Variants in TMEM135 observed in about 807,000 individuals in gnomAD.
TMEM135 encodes the protein peroxisomal membrane protein 52.
Under a neutral mutation model 60.3 loss-of-function variants are expected in TMEM135, and 30 were observed. That is an observed-to-expected ratio of 0.50 (90% CI 0.37 to 0.68). The LOEUF is 0.68. TMEM135 is among the 30% of genes least tolerant of loss of function. The pLI is 0.00. For missense variants in TMEM135, 468 were observed against 548.8 expected, an observed-to-expected ratio of 0.85 and a Z score of 1.47; for synonymous variants, 190 against 186.7, an observed-to-expected ratio of 1.02 and a Z score of -0.14.
chr11:87,047,720 C>A (rs1327956018), intron 1 of TMEM135, among the ~76,000 whole-genome samples: 1 of 122,364 alleles, frequency 8.2e-6, no homozygotes, highest in African/African-American at 3.3e-5. Context: ...AACTGCAAGG[C>A]GGCAACGAGG....
At chr11:87,241,800 A>G (rs975558445) in intron 6 of TMEM135, among the ~76,000 whole-genome samples, 2 of 151,878 alleles carry the variant, frequency 1.3e-5, no homozygotes, top group African/African-American at 4.8e-5. Context: ...TATTTTACTT[A>G]AAGTCCTTGA....
At chr11:87,042,329 C>G (rs1483327445) in intron 1 of TMEM135, among the ~76,000 whole-genome samples, 1 of 152,134 alleles carries the variant, frequency 6.6e-6, no homozygotes, top group Non-Finnish European at 1.5e-5. Context: ...GCAGGACCCT[C>G]TCTGGAATGG....
chr11:87,089,455 A>C (rs1232155990), intron 3 of TMEM135, among the ~76,000 whole-genome samples: 2 of 152,152 alleles, frequency 1.3e-5, no homozygotes, highest in African/African-American at 2.4e-5. Context: ...AGGCAGTAAG[A>C]TCACTTGAGC....
chr11:87,183,135 ATTTTTTT>A (rs772123636), intron 5 of TMEM135, among the ~76,000 whole-genome samples: 11 of 92,614 alleles, frequency 1.2e-4, no homozygotes, highest in African/African-American at 2.6e-4. Flanking sequence ...GTAATCACTA[ATTTTTTT>A]TTTTTTTTTT....
In TMEM135 at chr11:87,325,436, G is replaced by A. The variant is rs1047005834; in HGVS notation, c.*4103G>A. The A allele has an allele frequency of 8.8e-6, 4 of 453,864 alleles. No individual in the cohort carries two copies. The highest frequency in any genetic ancestry group is 6.0e-5 in the African/African-American group (3 of 49,960). The allele number at this position is 453,864 out of a possible 1,614,324, so 28.1% of individuals were successfully genotyped here. On this transcript the variant is annotated 3_prime_UTR_variant, in exon 15 of 15. Coordinates refer to ENST00000305494, the MANE Select transcript of TMEM135 (RefSeq NM_022918.4). ...GAAAATGATTGACTTTTGGTTGGAG[G>A]AAAGAATTTATATCTGGTCTTTTGG...
At chr11:87,140,873 G>T (rs1186472309) in intron 4 of TMEM135, among the ~76,000 whole-genome samples, 1 of 152,120 alleles carries the variant, frequency 6.6e-6, no homozygotes, top group Non-Finnish European at 1.5e-5. Context: ...ACCTCTGTTA[G>T]TTGAAGAACC....
intron 4 of TMEM135, among the ~76,000 whole-genome samples, chr11:87,136,077 C>A (rs983220242): frequency 1.3e-5 from 2 of 151,894 alleles, no homozygotes; most frequent in African/African-American, 2.4e-5. Flanking sequence ...TTATATCCTG[C>A]AACTTTGCTA....
chr11:87,317,396 A>C (rs1942751820), intron 12 of TMEM135, among the ~76,000 whole-genome samples: 2 of 152,122 alleles, frequency 1.3e-5, no homozygotes, highest in Admixed American at 1.3e-4. Flanking sequence ...CTTGTTTCCA[A>C]AATAGATTAT....
intron 5 of TMEM135, among the ~76,000 whole-genome samples, chr11:87,185,831 G>A (rs1224376281): frequency 2.0e-5 from 3 of 151,616 alleles, no homozygotes; most frequent in African/African-American, 4.9e-5. Flanking sequence ...CAAAAGATGA[G>A]TAATGATGTT....
Position 87,325,391 on chromosome 11 carries a change from G to A in TMEM135, c.*4058G>A. ...TTACAGCTGTGGTGAATAAGAATGT[G>A]TGCTATTTTACACACAGAAGAAAAT... On this transcript the variant is annotated 3_prime_UTR_variant, in exon 15 of 15. Coordinates refer to ENST00000305494, the MANE Select transcript of TMEM135 (RefSeq NM_022918.4). The A allele has an allele frequency of 2.2e-6, 1 of 454,074 alleles. No homozygotes were observed. Among genetic ancestry groups the A allele is most frequent in the Non-Finnish European group, 4.4e-6 (1 of 226,772 alleles). The allele number at this position is 454,074 out of a possible 1,614,324, so 28.1% of individuals were successfully genotyped here. A position where few individuals can be genotyped will look rare whatever the true frequency, so the allele number is the denominator to read the frequency against.
chr11:87,304,413 G>T (rs535352498), intron 8 of TMEM135, among the ~76,000 whole-genome samples: 1 of 150,104 alleles, frequency 6.7e-6, no homozygotes. Context: ...ACAAATTTCA[G>T]TGTAGTTCTG....
intron 6 of TMEM135, among the ~76,000 whole-genome samples, chr11:87,272,051 C>CTTTTTT (rs773654603): frequency 4.9e-5 from 4 of 81,120 alleles, no homozygotes; most frequent in Admixed American, 1.3e-4. Context: ...TTTTTCTTTT[C>CTTTTTT]TTTTTTTTTT....
chr11:87,241,652 A>T (rs954565467), intron 6 of TMEM135, among the ~76,000 whole-genome samples: 1 of 151,856 alleles, frequency 6.6e-6, no homozygotes, highest in South Asian at 2.1e-4. Flanking sequence ...ACTACCCTCC[A>T]CCCTGCCCCA....
In TMEM135 at chr11:87,067,351, T is replaced by C. The variant is rs531410039; in HGVS notation, c.142-343T>C. On this transcript the variant is annotated intron_variant, in intron 1 of 14. Coordinates refer to ENST00000305494, the MANE Select transcript of TMEM135 (RefSeq NM_022918.4). ...TAAAATCTGTAATATAGTTTTATTATACCATCCAGTTTTTATTTGAAATGG... is the reference window on the plus strand; with the variant it reads ...TAAAATCTGTAATATAGTTTTATTACACCATCCAGTTTTTATTTGAAATGG... Among the ~76,000 whole-genome samples the C allele has an allele frequency of 5.9e-5, 9 of 151,890 alleles. No individual in the cohort carries two copies. The East Asian group carries it at 1.4e-3, about 23-fold the overall frequency.
intron 1 of TMEM135, among the ~76,000 whole-genome samples, chr11:87,056,848 G>A (rs1254898674): frequency 6.6e-6 from 1 of 152,156 alleles, no homozygotes; most frequent in African/African-American, 2.4e-5. Flanking sequence ...GAACAAATAT[G>A]TATACTTTCT....
chr11:87,235,295 A>C (rs1267909453), intron 5 of TMEM135, among the ~76,000 whole-genome samples: 1 of 151,644 alleles, frequency 6.6e-6, no homozygotes, highest in Non-Finnish European at 1.5e-5. Flanking sequence ...GGAAGGAGGG[A>C]AAGAGGGAGG....
intron 4 of TMEM135, among the ~76,000 whole-genome samples, chr11:87,116,833 T>C (rs987192860): frequency 1.3e-5 from 2 of 152,142 alleles, no homozygotes. Flanking sequence ...TGGTTTGTTT[T>C]TTTTTTTGAC....
chr11:87,166,477 T>C (rs1157829263), intron 5 of TMEM135, among the ~76,000 whole-genome samples: 1 of 151,766 alleles, frequency 6.6e-6, no homozygotes, highest in Non-Finnish European at 1.5e-5. Flanking sequence ...GAGTTAATTT[T>C]TGTTTAATGT....
chr11:87,191,982 C>CTTTTTTTTT lies in TMEM135; in HGVS notation c.462+34580_462+34581insTTTTTTTTT, dbSNP rs767550753. ...CTATTTCTTTTGTTTCTTTTCTTTT[C>CTTTTTTTTT]TTTTCTTTTTTTTTTTTTTTTTTCG... On this transcript the variant is annotated intron_variant, in intron 5 of 14. Coordinates refer to ENST00000305494, the MANE Select transcript of TMEM135 (RefSeq NM_022918.4). 9.9e-4 allele frequency among the ~76,000 whole-genome samples: 93 copies of CTTTTTTTTT among 93,970 alleles called. 8 individuals are homozygous for CTTTTTTTTT. The highest frequency in any genetic ancestry group is 1.7e-3 in the African/African-American group (38 of 22,074). The allele number at this position is 93,970 out of a possible 152,430, so 61.6% of individuals were successfully genotyped here. A position where few individuals can be genotyped will look rare whatever the true frequency, so the allele number is the denominator to read the frequency against.
Sources: gnomAD v4.1 joint callset for allele counts (sites outside exome capture counted in the v4.1 genomes callset) on GRCh38, gnomAD v4.1.1 for gene constraint, MANE v1.5 for transcripts, NCBI Gene and HGNC (gene_info 2026-07-23, HGNC 2026-07-21) for gene names.